Variants in GULP1 observed in about 807,000 individuals in gnomAD.
GULP1 encodes the protein GULP PTB domain containing engulfment adaptor 1, also known as PTB domain-containing engulfment adapter protein 1.
A neutral mutation model predicts 40.9 loss-of-function variants in GULP1; 19 were observed. The observed-to-expected ratio is 0.46, with a 90% CI of 0.32 to 0.68. GULP1 has a LOEUF of 0.68. Ranked by LOEUF, GULP1 falls within the 30% of genes least tolerant of loss-of-function variation. The pLI, the probability that GULP1 is intolerant of heterozygous loss-of-function variation, is 0.03. For synonymous variants in GULP1, 119 were observed against 117.6 expected, an observed-to-expected ratio of 1.01 and a Z score of -0.08; for missense variants, 312 against 362.2, an observed-to-expected ratio of 0.86 and a Z score of 1.12.
rs190530108 is a variant in GULP1 at position 188,315,767 on chromosome 2, A to G, written c.-172+23601A>G. Among the ~76,000 whole-genome samples, 446 of 152,244 alleles carry G rather than the reference A, an allele frequency of 2.9e-3. 1 individual carries two copies. Among genetic ancestry groups the G allele is most frequent in the Middle Eastern group, 6.8e-3 (2 of 294 alleles). On this transcript the variant is annotated intron_variant, in intron 1 of 11. Transcript: ENST00000409830. ...GTTTAATTTATAAATTAGGCACAGT[A>G]AAGGATTAACAATAATAACTAAAAG... is the stretch of plus-strand genomic sequence containing the variant.
intron 7 of GULP1, among the ~76,000 whole-genome samples, chr2:188,564,085 A>G (rs1697030281): frequency 6.6e-6 from 1 of 151,994 alleles, no homozygotes; most frequent in African/African-American, 2.4e-5. Flanking sequence ...GATAAAATTT[A>G]TAGCATGCTA....
At chr2:188,293,623 G>A (rs963701678) in intron 1 of GULP1, among the ~76,000 whole-genome samples, 7 of 152,314 alleles carry the variant, frequency 4.6e-5, no homozygotes, top group African/African-American at 1.7e-4. Context: ...ATATGAACAA[G>A]TAGCCTTGGC....
chr2:188,513,206 C>T (rs6756504), intron 4 of GULP1, among the ~76,000 whole-genome samples: 131,889 of 152,138 alleles, frequency 0.87, 59,172 homozygotes, highest in South Asian at 0.99. Context: ...TAAAATCTGA[C>T]GAACTATATG....
At chr2:188,453,332 G>T (rs1293866828) in intron 2 of GULP1, among the ~76,000 whole-genome samples, 1 of 151,976 alleles carries the variant, frequency 6.6e-6, no homozygotes, top group East Asian at 1.9e-4. Context: ...AATGTTATTA[G>T]TGTTCTGTAA....
intron 1 of GULP1, among the ~76,000 whole-genome samples, chr2:188,308,124 TCCCCCG>T (rs2037447517): frequency 7.9e-6 from 1 of 126,032 alleles, no homozygotes; most frequent in Non-Finnish European, 1.7e-5. Context: ...TTTTTTTTTT[TCCCCCG>T]GTGGCCTGCA....
At chr2:188,545,382 G>A (rs991802995) in intron 7 of GULP1, among the ~76,000 whole-genome samples, 1 of 151,828 alleles carries the variant, frequency 6.6e-6, no homozygotes, top group South Asian at 2.1e-4. Context: ...TTTCTGATGT[G>A]ATTTTAAATC....
intron 2 of GULP1, among the ~76,000 whole-genome samples, chr2:188,471,181 T>C (rs2060558523): frequency 1.3e-5 from 2 of 152,156 alleles, no homozygotes; most frequent in East Asian, 1.9e-4. Flanking sequence ...CTCCTACTCT[T>C]TTTTGGTTTC....
intron 1 of GULP1, among the ~76,000 whole-genome samples, chr2:188,341,511 G>A (rs2042961872): frequency 6.6e-6 from 1 of 151,922 alleles, no homozygotes; most frequent in African/African-American, 2.4e-5. Flanking sequence ...CTTTGTTGGG[G>A]GACATCCTTG....
At chr2:188,319,397 G>A (rs4667220) in intron 1 of GULP1, among the ~76,000 whole-genome samples, 23,047 of 151,960 alleles carry the variant, frequency 0.15, 1,902 homozygotes, top group African/African-American at 0.17. Context: ...TTTCAGACTT[G>A]TACATCTTGA....
chr2:188,465,971 A>ATG (rs139512748), intron 2 of GULP1, among the ~76,000 whole-genome samples: 2,324 of 148,958 alleles, frequency 0.016, 48 homozygotes, highest in African/African-American at 0.045. Flanking sequence ...GTGTGTGTAT[A>ATG]TGTGTGTGTG....
chr2:188,351,583 C>T (rs940120321), intron 1 of GULP1, among the ~76,000 whole-genome samples: 1 of 152,006 alleles, frequency 6.6e-6, no homozygotes, highest in Admixed American at 6.6e-5. Context: ...TCCATGCATT[C>T]TAGAGGTTAT....
intron 1 of GULP1, among the ~76,000 whole-genome samples, chr2:188,351,726 A>G (rs777763781): frequency 7.2e-5 from 11 of 152,194 alleles, no homozygotes; most frequent in Non-Finnish European, 1.6e-4. Flanking sequence ...ATCAATTTGA[A>G]CATCCAAATG....
At chr2:188,333,200 C>T (rs1196989155) in intron 1 of GULP1, among the ~76,000 whole-genome samples, 1 of 151,120 alleles carries the variant, frequency 6.6e-6, no homozygotes, top group East Asian at 2.0e-4. Context: ...GAGCCAAGAT[C>T]ATGCCACTGC....
chr2:188,394,400 C>A (rs1360868580), intron 2 of GULP1, among the ~76,000 whole-genome samples: 2 of 152,000 alleles, frequency 1.3e-5, no homozygotes, highest in South Asian at 2.1e-4. Context: ...TTTAAAATAT[C>A]TTTCTCTTTA....
chr2:188,586,018 G>T (rs1053051955), intron 10 of GULP1, among the ~76,000 whole-genome samples: 2 of 152,114 alleles, frequency 1.3e-5, no homozygotes, highest in Non-Finnish European at 2.9e-5. Flanking sequence ...AAAAAGCCAG[G>T]TCACATCTTG....
At chr2:188,340,681 C>T (rs761471977) in intron 1 of GULP1, among the ~76,000 whole-genome samples, 6 of 152,138 alleles carry the variant, frequency 3.9e-5, no homozygotes, top group Admixed American at 6.5e-5. Context: ...GTAAGTATGA[C>T]AGCCTTTAGC....
rs1326667036 is a variant in GULP1, at chr2:188,352,614, T to TCACACACACACACA, written c.-171-31148_-171-31147insACACACACACACAC. Among the ~76,000 whole-genome samples, 161 of 60,392 alleles carry TCACACACACACACA rather than the reference T, an allele frequency of 2.7e-3. 1 individual carries two copies. The highest frequency in any genetic ancestry group is 0.013 in the African/African-American group (151 of 11,212). The allele number at this position is 60,392 out of a possible 152,430, so 39.6% of individuals were successfully genotyped here. ...TTCTTGCTCTCTTTCTCTCTCTCTC[T>TCACACACACACACA]CTCTCACACACACACACACACACAC... On this transcript the variant is annotated intron_variant, in intron 1 of 11. Coordinates refer to ENST00000409830, the MANE Select transcript of GULP1 (RefSeq NM_016315.4).
intron 2 of GULP1, among the ~76,000 whole-genome samples, chr2:188,413,251 C>T (rs995980566): frequency 2.6e-5 from 4 of 152,122 alleles, no homozygotes; most frequent in Non-Finnish European, 4.4e-5. Context: ...AGTTCTAGAT[C>T]CTTGAGGAAT....
At chr2:188,459,196 T>C (rs2059506557) in intron 2 of GULP1, among the ~76,000 whole-genome samples, 2 of 152,164 alleles carry the variant, frequency 1.3e-5, no homozygotes, top group African/African-American at 2.4e-5. Flanking sequence ...TTTCCTTTCT[T>C]TTCAGTATAT....
Sources: gnomAD v4.1 joint callset for allele counts (sites outside exome capture counted in the v4.1 genomes callset) on GRCh38, gnomAD v4.1.1 for gene constraint, MANE v1.5 for transcripts, NCBI Gene and HGNC (gene_info 2026-07-23, HGNC 2026-07-21) for gene names.